The following IPCEF1 variants were observed in gnomAD, a reference collection of about 807,000 sequenced individuals.
IPCEF1 encodes the protein interaction protein for cytohesin exchange factors 1.
In IPCEF1, 31 loss-of-function variants were observed where a neutral mutation model predicts 50.9. The ratio of observed to expected loss-of-function variants is 0.61; its 90% CI spans 0.46 to 0.82. IPCEF1 has a LOEUF of 0.82. Among genes scored for constraint, IPCEF1 ranks in the 40% least tolerant of loss-of-function variants. IPCEF1 has a pLI of 0.00. For missense variants in IPCEF1, 458 were observed against 514.0 expected (o/e 0.89, Z 1.05); for synonymous variants, 181 against 192.0 (o/e 0.94, Z 0.47).
intron 11 of IPCEF1, among the ~76,000 whole-genome samples, chr6:154,162,581 C>G (rs1262148909): frequency 6.6e-6 from 1 of 152,192 alleles, no homozygotes; most frequent in African/African-American, 2.4e-5. Flanking sequence ...ATACATTCTC[C>G]TGATTTTTCT....
At position 154,300,829 on chromosome 6, in the gene IPCEF1, G is replaced by A. The variant is rs899059784; in HGVS notation, c.-61-11073C>T. Reference sequence around the variant, plus strand: ...TTCTTTAGGTAAGTAAATAAAGATTGTTATATTTGAAAACAATGGCTTTTA... The same window carrying A: ...TTCTTTAGGTAAGTAAATAAAGATTATTATATTTGAAAACAATGGCTTTTA... On this transcript the variant is annotated intron_variant, in intron 1 of 11. Transcript: ENST00000367220. 2.0e-5 allele frequency among the ~76,000 whole-genome samples: 3 copies of A among 152,284 alleles called. No individual in the cohort carries two copies. In the East Asian group the frequency reaches 5.8e-4, roughly 29 times the overall value.
intron 1 of IPCEF1, among the ~76,000 whole-genome samples, chr6:154,291,688 T>G (rs1259990566): frequency 6.9e-6 from 1 of 145,558 alleles, no homozygotes. Flanking sequence ...AGGTTTTTTT[T>G]TTTTTTTTTT....
intron 10 of IPCEF1, among the ~76,000 whole-genome samples, chr6:154,182,112 A>G (rs1452381882): frequency 6.6e-6 from 1 of 152,236 alleles, no homozygotes; most frequent in Non-Finnish European, 1.5e-5. Flanking sequence ...AACTGAACAT[A>G]TTAAGAGAAA....
At chr6:154,198,631 T>TACACACACACACACACACACACACACAC in intron 10 of IPCEF1, among the ~76,000 whole-genome samples, 1 of 146,698 alleles carries the variant, frequency 6.8e-6, no homozygotes, top group Non-Finnish European at 1.5e-5. Flanking sequence ...AAATATTACA[T>TACACACACACACACACACACACACACAC]ACACACACAC....
intron 2 of IPCEF1, among the ~76,000 whole-genome samples, chr6:154,282,883 GA>G (rs1782259141): frequency 6.6e-6 from 1 of 152,220 alleles, no homozygotes; most frequent in South Asian, 2.1e-4. Flanking sequence ...TCACCTTGGT[GA>G]AATGGTGGAG....
intron 10 of IPCEF1, among the ~76,000 whole-genome samples, chr6:154,171,788 G>T (rs983399092): frequency 6.6e-6 from 1 of 152,132 alleles, no homozygotes; most frequent in Non-Finnish European, 1.5e-5. Flanking sequence ...ACTCCTGAAG[G>T]GGGGCATTAG....
intron 1 of IPCEF1, among the ~76,000 whole-genome samples, chr6:154,316,822 C>T (rs1783231055): frequency 6.6e-6 from 1 of 152,090 alleles, no homozygotes. Flanking sequence ...TTCAATTTAG[C>T]CATTCCACAA....
At chr6:154,170,666 G>C (rs1448962836) in intron 10 of IPCEF1, among the ~76,000 whole-genome samples, 1 of 152,166 alleles carries the variant, frequency 6.6e-6, no homozygotes, top group Admixed American at 6.5e-5. Flanking sequence ...TCAAAAGTGG[G>C]CTTTTGTCAA....
At chr6:154,324,194 C>G (rs191593756) in intron 1 of IPCEF1, among the ~76,000 whole-genome samples, 10 of 152,304 alleles carry the variant, frequency 6.6e-5, no homozygotes, top group African/African-American at 2.4e-4. Flanking sequence ...ATCCAACTGG[C>G]TAGCCATCTG....
intron 1 of IPCEF1, among the ~76,000 whole-genome samples, chr6:154,332,322 T>C (rs1449516251): frequency 6.7e-6 from 1 of 149,694 alleles, no homozygotes. Flanking sequence ...TTTTTAGAGA[T>C]AGGGTCATGC....
At chr6:154,328,109 G>A (rs1271056123) in intron 1 of IPCEF1, among the ~76,000 whole-genome samples, 1 of 152,120 alleles carries the variant, frequency 6.6e-6, no homozygotes, top group Admixed American at 6.6e-5. Context: ...ACTAGCTAAT[G>A]GATGCTGGGC....
intron 5 of IPCEF1, among the ~76,000 whole-genome samples, chr6:154,236,488 G>A (rs1418307060): frequency 6.6e-6 from 1 of 152,126 alleles, no homozygotes; most frequent in Non-Finnish European, 1.5e-5. Context: ...CGGTTGCACA[G>A]TAATAAGAAA....
chr6:154,228,001 C>T (rs1047067888), intron 5 of IPCEF1, among the ~76,000 whole-genome samples: 5 of 151,582 alleles, frequency 3.3e-5, no homozygotes, highest in African/African-American at 1.2e-4. Flanking sequence ...AAAAAAATGC[C>T]TCAAAAATGA....
At chr6:154,218,006 A>G (rs932331519) in intron 7 of IPCEF1, among the ~76,000 whole-genome samples, 4 of 152,228 alleles carry the variant, frequency 2.6e-5, no homozygotes, top group African/African-American at 9.7e-5. Flanking sequence ...CTTGCTGTGA[A>G]AAACTGGTGA....
rs1269283727 is a variant in IPCEF1 at position 154,157,066 on chromosome 6, G to C, written c.*2762C>G. 2 of 152,332 alleles carry C rather than the reference G, an allele frequency of 1.3e-5. No homozygotes were observed. Among genetic ancestry groups the C allele is most frequent in the Middle Eastern group, 3.4e-3 (1 of 296 alleles). 9.4% of individuals were successfully genotyped at this position (152,332 alleles called of 1,614,324 possible). A position where few individuals can be genotyped will look rare whatever the true frequency, so the allele number is the denominator to read the frequency against. On this transcript the variant is annotated 3_prime_UTR_variant, in exon 12 of 12. Coordinates refer to ENST00000367220, the MANE Select transcript of IPCEF1 (RefSeq NM_001130700.2). ...TGGACCCCAGGAAACTACCCCAAAT[G>C]CATTTCAGAGATGACCCGGTCTCAA...
intron 3 of IPCEF1, among the ~76,000 whole-genome samples, chr6:154,248,147 G>A (rs1411073801): frequency 6.6e-6 from 1 of 152,024 alleles, no homozygotes; most frequent in Non-Finnish European, 1.5e-5. Flanking sequence ...ACGTTTTATG[G>A]AAGATAAATT....
intron 6 of IPCEF1, chr6:154,222,859 C>T (rs1778974328): frequency 1.1e-5 from 4 of 352,428 alleles, no homozygotes; most frequent in East Asian, 5.3e-5. Flanking sequence ...TTAGTAGAAC[C>T]GAAGCTTGAC....
At chr6:154,218,453 C>A (rs528860494) in intron 7 of IPCEF1, among the ~76,000 whole-genome samples, 13 of 152,286 alleles carry the variant, frequency 8.5e-5, no homozygotes, top group Admixed American at 2.6e-4. Context: ...ATGTCACTAT[C>A]CAGAAATGCA....
intron 10 of IPCEF1, among the ~76,000 whole-genome samples, chr6:154,176,071 C>T (rs572447267): frequency 6.6e-6 from 1 of 152,264 alleles, no homozygotes; most frequent in East Asian, 1.9e-4. Context: ...ATGATAAAAA[C>T]CACATGATTA....
Sources: gnomAD v4.1 joint callset for allele counts (sites outside exome capture counted in the v4.1 genomes callset) on GRCh38, gnomAD v4.1.1 for gene constraint, MANE v1.5 for transcripts, NCBI Gene and HGNC (gene_info 2026-07-23, HGNC 2026-07-21) for gene names.